BLTP3A: variants seen among roughly 807,000 people sequenced by gnomAD.
BLTP3A encodes the protein ICBP90 binding protein 1.
chr6:34,862,870 C>G, the BLTP3A span, among the ~76,000 whole-genome samples: 1 of 150,656 alleles, frequency 6.6e-6, no homozygotes, highest in South Asian at 2.1e-4. Flanking sequence ...TTTTCTGAGC[C>G]CTATTTCTCA....
chr6:34,848,774 T>G, the BLTP3A span, among the ~76,000 whole-genome samples: 1 of 152,060 alleles, frequency 6.6e-6, no homozygotes, highest in Non-Finnish European at 1.5e-5. Flanking sequence ...CATTCAGCCA[T>G]TCTGTGTCTT....
chr6:34,798,973 G>T, the BLTP3A span, among the ~76,000 whole-genome samples: 7 of 151,914 alleles, frequency 4.6e-5, no homozygotes, highest in African/African-American at 1.2e-4. Flanking sequence ...ACAGGGTCTC[G>T]CTCTGTTGCC....
chr6:34,802,119 C>T, the BLTP3A span, among the ~76,000 whole-genome samples: 29 of 152,216 alleles, frequency 1.9e-4, no homozygotes, highest in African/African-American at 6.7e-4. Flanking sequence ...AATTTGTCAC[C>T]GTTTTGGAAA....
the BLTP3A span, chr6:34,859,310 C>A: frequency 6.2e-7 from 1 of 1,613,846 alleles, no homozygotes; most frequent in South Asian, 1.1e-5. Context: ...AGAACCCAAG[C>A]CTCCAGCTCA....
the BLTP3A span, among the ~76,000 whole-genome samples, chr6:34,824,787 C>T: frequency 4.0e-5 from 6 of 151,762 alleles, no homozygotes; most frequent in African/African-American, 7.3e-5. Context: ...TCTTGTGCCT[C>T]GGCCTCCTGA....
At chr6:34,829,608 G>C in the BLTP3A span, among the ~76,000 whole-genome samples, 2 of 151,776 alleles carry the variant, frequency 1.3e-5, no homozygotes, top group Admixed American at 6.6e-5. Flanking sequence ...AATCCATTCT[G>C]TTGTAGATGC....
the BLTP3A span, chr6:34,859,181 A>G: frequency 1.2e-6 from 2 of 1,614,094 alleles, no homozygotes; most frequent in South Asian, 1.1e-5. Context: ...GAAAATCAGG[A>G]TGTATCCCAG....
At chr6:34,803,809 A>G in the BLTP3A span, among the ~76,000 whole-genome samples, 1 of 151,906 alleles carries the variant, frequency 6.6e-6, no homozygotes, top group Non-Finnish European at 1.5e-5. Flanking sequence ...CCGAGTAAGG[A>G]GGGAATACTA....
the BLTP3A span, among the ~76,000 whole-genome samples, chr6:34,831,419 C>T: frequency 2.6e-5 from 4 of 152,276 alleles, no homozygotes; most frequent in East Asian, 1.9e-4. Flanking sequence ...TGAACCACTG[C>T]GCCTGGCCCA....
chr6:34,816,386 C>T, the BLTP3A span, among the ~76,000 whole-genome samples: 1 of 117,312 alleles, frequency 8.5e-6, no homozygotes, highest in African/African-American at 4.6e-5. Context: ...GGGAGGATTG[C>T]TTGAGCCGAG....
the BLTP3A span, among the ~76,000 whole-genome samples, chr6:34,820,215 C>T: frequency 6.6e-6 from 1 of 151,944 alleles, no homozygotes; most frequent in African/African-American, 2.4e-5. Flanking sequence ...CTCTGTTCCC[C>T]TCCCTTACTT....
chr6:34,857,821 C>T, the BLTP3A span: 1 of 1,614,100 alleles, frequency 6.2e-7, no homozygotes, highest in East Asian at 2.2e-5. Context: ...TGGATTTATA[C>T]CGCAGCTTGG....
chr6:34,867,562 C>A, the BLTP3A span: 1 of 1,613,934 alleles, frequency 6.2e-7, no homozygotes, highest in South Asian at 1.1e-5. Context: ...GGAACTGACC[C>A]TCCAGCAGCT....
At chr6:34,824,317 G>C in the BLTP3A span, among the ~76,000 whole-genome samples, 1 of 152,038 alleles carries the variant, frequency 6.6e-6, no homozygotes, top group Non-Finnish European at 1.5e-5. Flanking sequence ...CAGATTACCT[G>C]AGGTCAGGAG....
the BLTP3A span, among the ~76,000 whole-genome samples, chr6:34,820,671 C>A: frequency 6.7e-6 from 1 of 148,400 alleles, no homozygotes; most frequent in African/African-American, 2.5e-5. Context: ...TATCTAGTTG[C>A]TCTGTCTGGT....
At chr6:34,795,376 C>G in the BLTP3A span, among the ~76,000 whole-genome samples, 5 of 151,714 alleles carry the variant, frequency 3.3e-5, no homozygotes, top group African/African-American at 9.7e-5. Flanking sequence ...CTGCGCCCAG[C>G]CTGAACATAC....
At chr6:34,867,340 T>C in the BLTP3A span, 1 of 1,614,170 alleles carries the variant, frequency 6.2e-7, no homozygotes, top group Non-Finnish European at 8.5e-7. Flanking sequence ...CAGCCAACAG[T>C]TCAGTTTCAC....
the BLTP3A span, among the ~76,000 whole-genome samples, chr6:34,798,472 A>T: frequency 6.6e-6 from 1 of 152,236 alleles, no homozygotes; most frequent in Non-Finnish European, 1.5e-5. Flanking sequence ...ACCATTTTCC[A>T]AAGTGGCTAT....
At chr6:34,859,272 A>C in the BLTP3A span, 1 of 1,613,744 alleles carries the variant, frequency 6.2e-7, no homozygotes, top group Non-Finnish European at 8.5e-7. Flanking sequence ...ATGAGGCAGT[A>C]GAGTCCCTAC....
Sources: allele counts gnomAD v4.1 joint callset (sites outside exome capture counted in the v4.1 genomes callset), GRCh38; gene constraint gnomAD v4.1.1; transcripts MANE v1.5; gene names NCBI Gene and HGNC (gene_info 2026-07-23, HGNC 2026-07-21).